The following ITPKC variants were observed in gnomAD, a reference collection of about 807,000 sequenced individuals.
ITPKC encodes IP3 3-kinase C.
Under a neutral mutation model 67.1 loss-of-function variants are expected in ITPKC, and 33 were observed. The observed-to-expected ratio is 0.49, with a 90% CI of 0.37 to 0.66. The LOEUF (loss-of-function observed/expected upper bound fraction) is 0.66. Among genes scored for constraint, ITPKC ranks in the 30% least tolerant of loss-of-function variants. ITPKC has a pLI of 0.00. For missense variants in ITPKC, 820 were observed against 892.1 expected, an observed-to-expected ratio of 0.92 and a Z score of 1.03; for synonymous variants, 341 against 359.8, an observed-to-expected ratio of 0.95 and a Z score of 0.59.
At chr19:40,722,879 T>C (rs2144735731) in intron 1 of ITPKC, among the ~76,000 whole-genome samples, 1 of 152,024 alleles carries the variant, frequency 6.6e-6, no homozygotes, top group East Asian at 1.9e-4. Context: ...AGGGCTCAAG[T>C]GATCCTCCCA....
At position 40,717,325 on chromosome 19, in the gene ITPKC, G is replaced by A; in HGVS notation, c.190G>A (p.Gly64Arg). ...EGGGPWARTE[G>R]SSLHSEPERA... ...GGGCGGGCCCTGGGCCCGGACAGAG[G>A]GGTCCAGCCTCCACAGCGAGCCTGA... is the stretch of plus-strand genomic sequence containing the variant. The change falls in exon 1 of 7, where the codon GGG becomes AGG. Residue 64 changes from glycine (G) to arginine (R), a missense_variant. This residue lies in a region of ITPKC where 481 missense variants were observed against 470.1 expected (regional missense o/e 1.02). Transcript: ENST00000263370. 1 of 1,594,676 alleles carries A rather than the reference G, an allele frequency of 6.3e-7. No homozygotes were observed. Among genetic ancestry groups the A allele is most frequent in the Non-Finnish European group, 8.5e-7 (1 of 1,172,926 alleles).
intron 3 of ITPKC, among the ~76,000 whole-genome samples, chr19:40,731,595 G>GTTTTTTTT (rs776003885): frequency 2.5e-5 from 2 of 81,064 alleles, no homozygotes; most frequent in Admixed American, 1.5e-4. Context: ...CCAATCCTTG[G>GTTTTTTTT]TTTTTTTTTT....
rs755705362 is a variant in ITPKC, at chr19:40,733,373, C to T, written c.1674+9C>T. 5 of 1,600,010 alleles carry T rather than the reference C, an allele frequency of 3.1e-6. No homozygotes were observed. The highest frequency in any genetic ancestry group is 1.7e-4 in the Middle Eastern group (1 of 5,932). On this transcript the variant is annotated intron_variant, in intron 4 of 6. Transcript: ENST00000263370. ...GGATCGAGGGCATCAAGGTGAGGAC[C>T]AGGAACCGCCTGGCCTGTCCCGGGA...
rs761909863 is a variant in ITPKC at position 40,717,567 on chromosome 19, C to T, written c.432C>T (p.Gly144=). The change falls in exon 1 of 7, where the codon GGC becomes GGT. Residue 144 remains glycine, a synonymous_variant. Coordinates refer to ENST00000263370, the MANE Select transcript of ITPKC (RefSeq NM_025194.3). ...TCLWTETGTD[G]LWTDPHRSDL... is the part of the protein sequence containing the mutation. ...TTTGGACGGAGACCGGGACAGATGGCCTTTGGACTGATCCGCACAGGTCCG... is the reference window on the plus strand; with the variant it reads ...TTTGGACGGAGACCGGGACAGATGGTCTTTGGACTGATCCGCACAGGTCCG... 1.2e-6 allele frequency: 2 copies of T among 1,614,088 alleles called. No individual in the cohort carries two copies. Among genetic ancestry groups the T allele is most frequent in the Non-Finnish European group, 1.7e-6 (2 of 1,179,992 alleles).
At chr19:40,726,007 G>A (rs1369032625) in intron 2 of ITPKC, among the ~76,000 whole-genome samples, 1 of 152,044 alleles carries the variant, frequency 6.6e-6, no homozygotes, top group Non-Finnish European at 1.5e-5. Context: ...TTGGGAGGCC[G>A]AGGTGGGTGG....
chr19:40,723,369 C>G (rs1047301723), intron 1 of ITPKC, among the ~76,000 whole-genome samples: 1 of 152,218 alleles, frequency 6.6e-6, no homozygotes, highest in African/African-American at 2.4e-5. Flanking sequence ...GTTGAGATTA[C>G]AGGCGTAAGC....
At chr19:40,737,590 G>C in intron 5 of ITPKC, 108 bp from the exon 6 acceptor site, 1 of 957,170 alleles carries the variant, frequency 1.0e-6, no homozygotes, top group Admixed American at 1.7e-5. Flanking sequence ...TTCCATCCTG[G>C]CTAGAGCCTG....
intron 3 of ITPKC, 149 bp from the exon 4 acceptor site, chr19:40,733,010 AC>A: frequency 1.6e-6 from 1 of 642,194 alleles, no homozygotes; most frequent in Non-Finnish European, 2.7e-6. Context: ...GCACAACTCT[AC>A]GTGTGTGTCT....
intron 2 of ITPKC, among the ~76,000 whole-genome samples, chr19:40,726,607 G>A (rs1281507010): frequency 6.6e-6 from 1 of 152,142 alleles, no homozygotes; most frequent in Non-Finnish European, 1.5e-5. Flanking sequence ...GTGCCCATTG[G>A]CAAATGGCGA....
chr19:40,717,237 G>A lies in ITPKC; in HGVS notation c.102G>A (p.Arg34=). ...TGGAGGCGCCGCGAGGAGGGCGGCG[G>A]CGGCAGCCGGGACAGCAGCGACCTG... ...MGLEAPRGGR[R]RQPGQQRPGP... Residue 34 remains arginine (R), a synonymous_variant, in exon 1 of 7, where the codon CGG becomes CGA. Coordinates refer to ENST00000263370, the MANE Select transcript of ITPKC (RefSeq NM_025194.3). The A allele has an allele frequency of 8.1e-7, 1 of 1,237,472 alleles. No individual in the cohort carries two copies. Among genetic ancestry groups the A allele is most frequent in the Non-Finnish European group, 1.0e-6 (1 of 994,936 alleles). The allele number at this position is 1,237,472 out of a possible 1,614,324, so 76.7% of individuals were successfully genotyped here. A position where few individuals can be genotyped will look rare whatever the true frequency, so the allele number is the denominator to read the frequency against.
intron 4 of ITPKC, 42 bp downstream of exon 4, chr19:40,733,406 T>C: frequency 1.3e-6 from 2 of 1,544,240 alleles, no homozygotes; most frequent in Non-Finnish European, 8.8e-7. Flanking sequence ...GGAAGGCCTA[T>C]AGCCAGATCC....
At chr19:40,738,512 A>G (rs549039152) in intron 6 of ITPKC, among the ~76,000 whole-genome samples, 176 of 151,636 alleles carry the variant, frequency 1.2e-3, no homozygotes, top group Non-Finnish European at 2.0e-3. Context: ...AGATTGTGTC[A>G]CTGCACTCCA....
chr19:40,733,215 G>C lies in ITPKC; in HGVS notation c.1525G>C (p.Asp509His). 1 of 1,614,226 alleles carries C rather than the reference G, an allele frequency of 6.2e-7. No homozygotes were observed. Among genetic ancestry groups the C allele is most frequent in the Non-Finnish European group, 8.5e-7 (1 of 1,180,030 alleles). Reference protein sequence around the residue: ...KARERPRPRKDMYEKMVAVDP... With the variant: ...KARERPRPRKHMYEKMVAVDP... ...ACGGGAACGTCCCCGTCCCCGGAAGGACATGTATGAGAAGATGGTGGCTGT... is the reference window on the plus strand; with the variant it reads ...ACGGGAACGTCCCCGTCCCCGGAAGCACATGTATGAGAAGATGGTGGCTGT... The change falls in exon 4 of 7, where the codon GAC becomes CAC. Residue 509 changes from aspartate to histidine, a missense_variant. Asp to His is a moderately conservative substitution (Grantham distance 81, BLOSUM62 -1). Around this residue, in one of 2 missense-constraint regions of ITPKC, gnomAD observed 339 missense variants for 422.0 expected, o/e 0.80. Coordinates refer to ENST00000263370, the MANE Select transcript of ITPKC (RefSeq NM_025194.3).
Position 40,730,334 on chromosome 19 carries a change from GAC to G in ITPKC, c.1469+931_1469+932del, listed in dbSNP as rs894746487. On this transcript the variant is annotated intron_variant, in intron 3 of 6. Coordinates refer to ENST00000263370, the MANE Select transcript of ITPKC (RefSeq NM_025194.3). The stretch of plus-strand genomic sequence containing the variant: ...GAGGCTGTATACACACACACACACA[GAC>G]ACACACACACAGACACACACATAGT... Among the ~76,000 whole-genome samples the G allele has an allele frequency of 1.3e-4, 19 of 151,582 alleles. No homozygotes were observed. The South Asian group carries it at 3.3e-3, about 27-fold the overall frequency.
Position 40,717,926 on chromosome 19 carries a change from C to G in ITPKC, c.791C>G (p.Thr264Ser). 2.5e-6 allele frequency: 4 copies of G among 1,614,154 alleles called. No individual in the cohort carries two copies. Among genetic ancestry groups the G allele is most frequent in the Non-Finnish European group, 3.4e-6 (4 of 1,180,020 alleles). ...DTEAARKQPG[T>S]GGFQIQQDTD... ...GAAGCAGCCAGGAAACAGCCTGGCACTGGTGGTTTCCAAATACAACAGGAT... is the reference window on the plus strand; with the variant it reads ...GAAGCAGCCAGGAAACAGCCTGGCAGTGGTGGTTTCCAAATACAACAGGAT... Residue 264 changes from threonine to serine, a missense_variant, in exon 1 of 7, where the codon ACT (threonine) becomes AGT (serine). Transcript: ENST00000263370.
chr19:40,719,470 G>T (rs1432254514), intron 1 of ITPKC, among the ~76,000 whole-genome samples: 4 of 151,704 alleles, frequency 2.6e-5, no homozygotes, highest in Non-Finnish European at 5.9e-5. Flanking sequence ...CTCACTCCTC[G>T]CAGCAACCCT....
chr19:40,731,161 G>A (rs538037465), intron 3 of ITPKC, among the ~76,000 whole-genome samples: 7 of 152,244 alleles, frequency 4.6e-5, no homozygotes, highest in Non-Finnish European at 7.4e-5. Context: ...CCCCTGGGCC[G>A]CAGACCAGTA....
At chr19:40,736,902 T>C in intron 4 of ITPKC, 84 bp from the exon 5 acceptor site, 1 of 862,024 alleles carries the variant, frequency 1.2e-6, no homozygotes, top group Non-Finnish European at 1.9e-6. Flanking sequence ...GCGCCCGGCC[T>C]CCTGGGAGGT....
chr19:40,733,708 AG>A (rs1301001475), intron 4 of ITPKC, among the ~76,000 whole-genome samples: 1 of 152,122 alleles, frequency 6.6e-6, no homozygotes, highest in Non-Finnish European at 1.5e-5. Context: ...GCTATGGAGA[AG>A]GTTTCTCTTT....
Sources: allele counts gnomAD v4.1 joint callset (sites outside exome capture counted in the v4.1 genomes callset), GRCh38; gene constraint gnomAD v4.1.1; regional missense constraint gnomAD v4.1.1; transcripts MANE v1.5; gene names NCBI Gene and HGNC (gene_info 2026-07-23, HGNC 2026-07-21).